HSPA12A: variants seen among roughly 807,000 people sequenced by gnomAD.
HSPA12A encodes the protein heat shock 70 kDa protein 12A.
HSPA12A carries 28 observed loss-of-function variants against 69.2 expected under a neutral mutation model. The ratio of observed to expected loss-of-function variants is 0.40; its 90% CI spans 0.30 to 0.55. The LOEUF is 0.55. HSPA12A is among the 20% of genes least tolerant of loss of function. The pLI is 0.38. For synonymous variants in HSPA12A, 345 were observed against 370.5 expected, an observed-to-expected ratio of 0.93 and a Z score of 0.79; for missense variants, 686 against 900.7, an observed-to-expected ratio of 0.76 and a Z score of 3.05.
chr10:116,683,604 T>G, intron 7 of HSPA12A, 187 bp downstream of exon 7: 23 of 431,416 alleles, frequency 5.3e-5, no homozygotes, highest in East Asian at 7.1e-5. Context: ...CATGCCTCCA[T>G]TTATGGGGGT....
intron 1 of HSPA12A, among the ~76,000 whole-genome samples, chr10:116,840,002 C>T (rs912900657): frequency 6.6e-6 from 1 of 151,948 alleles, no homozygotes; most frequent in African/African-American, 2.4e-5. Flanking sequence ...AGACAGCATA[C>T]ATACGGACGG....
intron 6 of HSPA12A, among the ~76,000 whole-genome samples, chr10:116,689,781 T>C (rs1474847200): frequency 4.3e-5 from 6 of 140,932 alleles, no homozygotes; most frequent in Non-Finnish European, 7.6e-5. Context: ...ATGTTTAAGT[T>C]TGAGTCCAAA....
intron 2 of HSPA12A, among the ~76,000 whole-genome samples, chr10:116,817,970 T>C (rs1442298742): frequency 1.3e-5 from 2 of 152,176 alleles, no homozygotes; most frequent in Non-Finnish European, 2.9e-5. Flanking sequence ...GACCTTACAA[T>C]GACACTCTCC....
At chr10:116,708,244 G>C (rs1306029663) in intron 1 of HSPA12A, 1 of 152,146 alleles carries the variant, frequency 6.6e-6, no homozygotes, top group Non-Finnish European at 1.5e-5. Flanking sequence ...CGAAGGCCGG[G>C]CACTGGGCAC....
intron 2 of HSPA12A, 23 bp downstream of exon 2, chr10:116,707,149 GCGCGCACACACACACACACACACACACA>G: frequency 2.2e-6 from 1 of 446,448 alleles, no homozygotes; most frequent in South Asian, 4.6e-5. Context: ...GCGCACCCAT[GCGCGCACACACACACACACACACACACA>G]CACACACACA....
intron 1 of HSPA12A, among the ~76,000 whole-genome samples, chr10:116,717,192 C>T (rs1262895666): frequency 1.3e-5 from 2 of 152,126 alleles, no homozygotes; most frequent in Non-Finnish European, 2.9e-5. Context: ...AAGAAAGAAG[C>T]CCGCATCCTT....
chr10:116,817,676 C>T (rs1490797161), intron 2 of HSPA12A, among the ~76,000 whole-genome samples: 1 of 152,088 alleles, frequency 6.6e-6, no homozygotes, highest in African/African-American at 2.4e-5. Context: ...ATATTTCAGG[C>T]TTGTCACCCA....
chr10:116,716,232 G>A, intron 1 of HSPA12A, among the ~76,000 whole-genome samples: 1 of 152,234 alleles, frequency 6.6e-6, no homozygotes, highest in African/African-American at 2.4e-5. Context: ...CAGAGAGGCA[G>A]GATCACTTAA....
At chr10:116,795,270 A>G (rs1439259431) in intron 2 of HSPA12A, among the ~76,000 whole-genome samples, 1 of 152,216 alleles carries the variant, frequency 6.6e-6, no homozygotes, top group African/African-American at 2.4e-5. Flanking sequence ...GATGATTTTC[A>G]GTGTACTTGG....
intron 2 of HSPA12A, 95 bp from the exon 3 acceptor site, chr10:116,705,373 C>A (rs946254649): frequency 4.3e-6 from 6 of 1,380,154 alleles, no homozygotes; most frequent in Non-Finnish European, 5.1e-6. Flanking sequence ...TAGCTGTGAA[C>A]CCCCTGCAGA....
intron 6 of HSPA12A, among the ~76,000 whole-genome samples, chr10:116,685,055 C>T (rs184950680): frequency 2.4e-4 from 36 of 152,330 alleles, no homozygotes; most frequent in Non-Finnish European, 3.5e-4. Context: ...CGATGGACCA[C>T]GGAAGAACAC....
At chr10:116,690,518 A>C (rs1023674968) in intron 6 of HSPA12A, among the ~76,000 whole-genome samples, 1 of 152,242 alleles carries the variant, frequency 6.6e-6, no homozygotes, top group African/African-American at 2.4e-5. Flanking sequence ...GAAGCTGCAA[A>C]AACACTGTAC....
At chr10:116,806,827 C>T (rs1845078940) in intron 2 of HSPA12A, among the ~76,000 whole-genome samples, 1 of 152,190 alleles carries the variant, frequency 6.6e-6, no homozygotes, top group African/African-American at 2.4e-5. Flanking sequence ...AAGATATATC[C>T]ATGTCAAATC....
At chr10:116,705,316 G>A in intron 2 of HSPA12A, 38 bp from the exon 3 acceptor site, 2 of 1,612,788 alleles carry the variant, frequency 1.2e-6, no homozygotes, top group Non-Finnish European at 8.5e-7. Context: ...GTGTGGAGGG[G>A]TGGGCCTGGC....
chr10:116,682,900 A>G (rs1554878903), intron 7 of HSPA12A, among the ~76,000 whole-genome samples: 1 of 123,116 alleles, frequency 8.1e-6, no homozygotes, highest in Non-Finnish European at 1.5e-5. Flanking sequence ...TATTTTTAGT[A>G]GAGACGGGGT....
chr10:116,725,295 C>T (rs1413462671), intron 1 of HSPA12A, among the ~76,000 whole-genome samples: 1 of 152,206 alleles, frequency 6.6e-6, no homozygotes, highest in Non-Finnish European at 1.5e-5. Context: ...TCCTGCCACC[C>T]TGTAGGGTGG....
intron 2 of HSPA12A, among the ~76,000 whole-genome samples, chr10:116,800,722 C>G (rs1844938566): frequency 6.6e-6 from 1 of 152,188 alleles, no homozygotes; most frequent in Non-Finnish European, 1.5e-5. Flanking sequence ...TCCAGGGTAG[C>G]CTGAGCCCAG....
chr10:116,711,935 C>T (rs901827897), intron 1 of HSPA12A, among the ~76,000 whole-genome samples: 27 of 152,028 alleles, frequency 1.8e-4, no homozygotes, highest in Admixed American at 1.8e-3. Flanking sequence ...GATCCGCTGG[C>T]CTCGGCCTCC....
chr10:116,817,514 T>A (rs1259858208), intron 2 of HSPA12A, among the ~76,000 whole-genome samples: 1 of 128,464 alleles, frequency 7.8e-6, no homozygotes, highest in Non-Finnish European at 1.6e-5. Flanking sequence ...AAATCCAGTG[T>A]GTGTGTGTGG....
Sources: gnomAD v4.1 joint callset for allele counts (sites outside exome capture counted in the v4.1 genomes callset) on GRCh38, gnomAD v4.1.1 for gene constraint, MANE v1.5 for transcripts, NCBI Gene and HGNC (gene_info 2026-07-23, HGNC 2026-07-21) for gene names.